The following HS3ST3A1 variants were observed in gnomAD, a reference collection of about 807,000 sequenced individuals.
The protein encoded by HS3ST3A1 is heparan sulfate-glucosamine 3-sulfotransferase 3A1.
A neutral mutation model predicts 25.7 loss-of-function variants in HS3ST3A1; 19 were observed. That is an observed-to-expected ratio of 0.74 (90% CI 0.52 to 1.08). The LOEUF is 1.08. Ranked by LOEUF, HS3ST3A1 falls within the 50% of genes least tolerant of loss-of-function variation. The pLI, the probability that HS3ST3A1 is intolerant of heterozygous loss-of-function variation, is 0.00. For synonymous variants in HS3ST3A1, 226 were observed against 278.6 expected, an observed-to-expected ratio of 0.81 and a Z score of 1.88; for missense variants, 459 against 594.3, an observed-to-expected ratio of 0.77 and a Z score of 2.37.
Position 13,600,928 on chromosome 17 carries a change from C to G in HS3ST3A1, c.202G>C (p.Gly68Arg). Residue 68 changes from glycine (G) to arginine (R), a missense_variant, in exon 1 of 2, where the codon GGC becomes CGC. Gly to Arg is a moderately radical substitution (Grantham distance 125). This residue lies in a region of HS3ST3A1 where 346 missense variants were observed against 303.9 expected (regional missense o/e 1.14). Transcript: ENST00000284110. ...GGGEEAGAPG[G>R]GVLAGGPREL... ...CTCGGGCCTCCGGCCAGGACGCCGC[C>G]ACCAGGGGCCCCCGCCTCCTCGCCG... The G allele has an allele frequency of 6.5e-7, 1 of 1,530,462 alleles. No homozygotes were observed. The allele number at this position is 1,530,462 out of a possible 1,614,324, so 94.8% of individuals were successfully genotyped here.
chr17:13,579,019 A>G (rs1908029103), intron 1 of HS3ST3A1, among the ~76,000 whole-genome samples: 2 of 152,182 alleles, frequency 1.3e-5, no homozygotes, highest in African/African-American at 4.8e-5. Context: ...ATAATTATAT[A>G]TTTTTAAATT....
intron 1 of HS3ST3A1, among the ~76,000 whole-genome samples, chr17:13,568,837 C>G (rs1056459061): frequency 6.6e-6 from 1 of 152,214 alleles, no homozygotes; most frequent in Non-Finnish European, 1.5e-5. Flanking sequence ...TTTCAATGGT[C>G]CTGAGACCAG....
chr17:13,542,687 C>G (rs1026260954), intron 1 of HS3ST3A1, among the ~76,000 whole-genome samples: 4 of 152,002 alleles, frequency 2.6e-5, no homozygotes, highest in African/African-American at 4.8e-5. Flanking sequence ...TCATCATTCC[C>G]AAAACCCTTG....
chr17:13,524,388 G>A (rs946862628), intron 1 of HS3ST3A1, among the ~76,000 whole-genome samples: 3 of 152,088 alleles, frequency 2.0e-5, no homozygotes, highest in Non-Finnish European at 4.4e-5. Context: ...CTCCTGAGTA[G>A]CTGAGACTAC....
At chr17:13,585,356 C>T (rs1462518465) in intron 1 of HS3ST3A1, among the ~76,000 whole-genome samples, 1 of 151,310 alleles carries the variant, frequency 6.6e-6, no homozygotes, top group Non-Finnish European at 1.5e-5. Flanking sequence ...TGCACCACCA[C>T]GCCCGGCTAA....
rs145380298 is a variant in HS3ST3A1, at chr17:13,520,382, C to T, written c.600-23564G>A. On this transcript the variant is annotated intron_variant, in intron 1 of 1. Coordinates refer to ENST00000284110, the MANE Select transcript of HS3ST3A1 (RefSeq NM_006042.3). Reference sequence around the variant, plus strand: ...ACAGTATGTTTGAAGGGAAACAAACCTTTGAAAATTGTATCAGTCCTACTG... The same window carrying T: ...ACAGTATGTTTGAAGGGAAACAAACTTTTGAAAATTGTATCAGTCCTACTG... Among the ~76,000 whole-genome samples the T allele has an allele frequency of 2.6e-3, 402 of 152,244 alleles. 1 individual carries two copies. The highest frequency in any genetic ancestry group is 6.8e-3 in the Middle Eastern group (2 of 294).
At chr17:13,528,195 G>T (rs916395447) in intron 1 of HS3ST3A1, among the ~76,000 whole-genome samples, 1 of 152,182 alleles carries the variant, frequency 6.6e-6, no homozygotes, top group Non-Finnish European at 1.5e-5. Context: ...CACTGCATGG[G>T]CTCCAAAGTC....
At chr17:13,564,337 T>C (rs1265748969) in intron 1 of HS3ST3A1, among the ~76,000 whole-genome samples, 1 of 152,182 alleles carries the variant, frequency 6.6e-6, no homozygotes, top group Non-Finnish European at 1.5e-5. Context: ...AATCTGAGAC[T>C]CCTTTAGTAT....
chr17:13,523,475 G>C (rs77409667), intron 1 of HS3ST3A1, among the ~76,000 whole-genome samples: 2,040 of 152,342 alleles, frequency 0.013, 50 homozygotes, highest in African/African-American at 0.046. Context: ...ATTTTTAAAT[G>C]TACCTGTGAT....
intron 1 of HS3ST3A1, among the ~76,000 whole-genome samples, chr17:13,497,100 G>T (rs1472844267): frequency 6.6e-6 from 1 of 152,158 alleles, no homozygotes; most frequent in East Asian, 1.9e-4. Flanking sequence ...TAAATGCCAC[G>T]TTAAGTTTCT....
intron 1 of HS3ST3A1, among the ~76,000 whole-genome samples, chr17:13,530,342 A>G (rs1345068769): frequency 6.6e-6 from 1 of 152,142 alleles, no homozygotes; most frequent in Non-Finnish European, 1.5e-5. Context: ...AATCACAACA[A>G]CAATATCAAC....
chr17:13,564,553 T>C (rs1393908143), intron 1 of HS3ST3A1, among the ~76,000 whole-genome samples: 1 of 152,126 alleles, frequency 6.6e-6, no homozygotes, highest in Non-Finnish European at 1.5e-5. Context: ...CCTAACAGAA[T>C]GGAAATGCTA....
chr17:13,541,462 T>G (rs773787060), intron 1 of HS3ST3A1, among the ~76,000 whole-genome samples: 1 of 152,174 alleles, frequency 6.6e-6, no homozygotes, highest in Non-Finnish European at 1.5e-5. Flanking sequence ...TCGCTCTTGG[T>G]ACACACATTG....
chr17:13,527,279 T>C (rs1906461971), intron 1 of HS3ST3A1, among the ~76,000 whole-genome samples: 1 of 152,080 alleles, frequency 6.6e-6, no homozygotes, highest in Non-Finnish European at 1.5e-5. Context: ...AAAATGATCC[T>C]TTAGAAAAAG....
intron 1 of HS3ST3A1, among the ~76,000 whole-genome samples, chr17:13,529,865 A>G (rs1906548038): frequency 6.7e-6 from 1 of 149,892 alleles, no homozygotes; most frequent in Non-Finnish European, 1.5e-5. Flanking sequence ...GGTGGGTTCT[A>G]GAGCTCCCCC....
chr17:13,589,798 G>C (rs959394545), intron 1 of HS3ST3A1, among the ~76,000 whole-genome samples: 1 of 152,296 alleles, frequency 6.6e-6, no homozygotes, highest in Non-Finnish European at 1.5e-5. Flanking sequence ...CATGGCTTCC[G>C]TTTAGAAAGG....
intron 1 of HS3ST3A1, among the ~76,000 whole-genome samples, chr17:13,508,560 C>T (rs797011410): frequency 2.6e-5 from 4 of 152,336 alleles, no homozygotes; most frequent in African/African-American, 9.6e-5. Flanking sequence ...CAGTAACTTA[C>T]AAGGCTCATT....
At chr17:13,515,606 A>T (rs1906029337) in intron 1 of HS3ST3A1, among the ~76,000 whole-genome samples, 1 of 151,348 alleles carries the variant, frequency 6.6e-6, no homozygotes, top group Admixed American at 6.6e-5. Flanking sequence ...ACTGTTATTA[A>T]CATTTTGCAG....
At chr17:13,505,606 C>G (rs1343248201) in intron 1 of HS3ST3A1, among the ~76,000 whole-genome samples, 2 of 150,650 alleles carry the variant, frequency 1.3e-5, no homozygotes. Flanking sequence ...ATCGGTGAGG[C>G]TAGATAGCTG....
Sources: allele counts gnomAD v4.1 joint callset (sites outside exome capture counted in the v4.1 genomes callset), GRCh38; gene constraint gnomAD v4.1.1; regional missense constraint gnomAD v4.1.1; transcripts MANE v1.5; gene names NCBI Gene and HGNC (gene_info 2026-07-23, HGNC 2026-07-21).